The following QRICH1 variants were observed in gnomAD, a reference collection of about 807,000 sequenced individuals.
The protein encoded by QRICH1 is glutamine rich 1, also known as transcriptional regulator QRICH1.
QRICH1 carries 16 observed loss-of-function variants against 87.1 expected under a neutral mutation model. The observed-to-expected ratio is 0.18, with a 90% CI of 0.12 to 0.28. QRICH1 has a LOEUF of 0.28. QRICH1 is among the 10% of genes least tolerant of loss of function. The probability of loss-of-function intolerance (pLI) is 1.00; values close to 1 mark genes in which losing one functional copy is unlikely to be tolerated. For missense variants in QRICH1, 647 were observed against 951.7 expected (o/e 0.68, Z 4.21); for synonymous variants, 367 against 368.4 (o/e 1.00, Z 0.05).
At chr3:49,085,126 G>C (rs547238893) in intron 1 of QRICH1, among the ~76,000 whole-genome samples, 1 of 151,712 alleles carries the variant, frequency 6.6e-6, no homozygotes, top group South Asian at 2.1e-4. Context: ...CTGGGCGACA[G>C]AGCAAGACTC....
intron 2 of QRICH1, among the ~76,000 whole-genome samples, chr3:49,068,733 A>G (rs1213914725): frequency 6.6e-6 from 1 of 150,872 alleles, no homozygotes; most frequent in Non-Finnish European, 1.5e-5. Flanking sequence ...GGCTCAAGTG[A>G]TCCTCCAGCC....
rs995342605 is a variant in QRICH1 at position 49,089,066 on chromosome 3, CTT to C, written c.-22+4844_-22+4845del. Reference sequence around the variant, plus strand: ...CGGTTCTATTTTCTTTTTTTCTTTTCTTTTTTTTTTTTTAAATGGAGTCTCGC... The same window carrying C: ...CGGTTCTATTTTCTTTTTTTCTTTTCTTTTTTTTTTTAAATGGAGTCTCGC... On this transcript the variant is annotated intron_variant, in intron 1 of 9. Transcript: ENST00000395443. Among the ~76,000 whole-genome samples, 447 of 143,170 alleles carry C rather than the reference CTT, an allele frequency of 3.1e-3. 4 individuals are homozygous for C. The highest frequency in any genetic ancestry group is 0.011 in the African/African-American group (418 of 38,728). 93.9% of individuals were successfully genotyped at this position (143,170 alleles called of 152,430 possible).
At chr3:49,047,664 G>A (rs2093346573) in intron 3 of QRICH1, among the ~76,000 whole-genome samples, 1 of 151,848 alleles carries the variant, frequency 6.6e-6, no homozygotes, top group South Asian at 2.1e-4. Flanking sequence ...TATAATTTTA[G>A]TCGAGACGGA....
chr3:49,056,916 C>T lies in QRICH1; in HGVS notation c.1284G>A (p.Gln428=). 1 of 1,614,050 alleles carries T rather than the reference C, an allele frequency of 6.2e-7. No individual in the cohort carries two copies. The highest frequency in any genetic ancestry group is 8.5e-7 in the Non-Finnish European group (1 of 1,179,978). ...GCTGCTGTGGTGGTGGTGTCTGTTC[C>T]TGGGGAGTTTGCTGCTGCGGCTGCT... ...PQQQPQQQTP[Q]EQTPPPQQQQ... The change falls in exon 3 of 10, where the codon CAG becomes CAA. Residue 428 remains glutamine, a synonymous_variant. Transcript: ENST00000395443.
At chr3:49,073,980 G>A (rs550806199) in intron 2 of QRICH1, among the ~76,000 whole-genome samples, 1 of 151,454 alleles carries the variant, frequency 6.6e-6, no homozygotes, top group South Asian at 2.1e-4. Flanking sequence ...ACGGGGTTTT[G>A]CCATGTTGCC....
chr3:49,068,626 ATTTC>A (rs374929209), intron 2 of QRICH1, among the ~76,000 whole-genome samples: 34 of 151,136 alleles, frequency 2.2e-4, no homozygotes, highest in African/African-American at 6.1e-4. Context: ...CTTGGCTAAA[ATTTC>A]TTTCTTTTTT....
chr3:49,052,654 C>A (rs1037432023), intron 3 of QRICH1, among the ~76,000 whole-genome samples: 1 of 152,114 alleles, frequency 6.6e-6, no homozygotes, highest in Non-Finnish European at 1.5e-5. Flanking sequence ...CACCACCATG[C>A]CCAGCTAATT....
chr3:49,058,131 C>T (rs2093413889), intron 2 of QRICH1: 1 of 642,632 alleles, frequency 1.6e-6, no homozygotes, highest in African/African-American at 1.8e-5. Flanking sequence ...TAACTGGGGC[C>T]TAAAAAGGAA....
chr3:49,032,640 G>A lies in QRICH1; in HGVS notation c.2029C>T (p.His677Tyr), dbSNP rs553891695. 1 of 1,601,272 alleles carries A rather than the reference G, an allele frequency of 6.2e-7. No individual in the cohort carries two copies. Among genetic ancestry groups the A allele is most frequent in the African/African-American group, 1.3e-5 (1 of 74,414 alleles). The change falls in exon 8 of 10, where the codon CAC (histidine) becomes TAC (tyrosine). Residue 677 changes from histidine to tyrosine, a missense_variant. By Grantham distance (83) the His-to-Tyr change is moderately conservative. Coordinates refer to ENST00000395443, the MANE Select transcript of QRICH1 (RefSeq NM_198880.3). Reference sequence around the variant, plus strand: ...TCCCTACCTTTCTGGCCAGTCTGGTGTATTCCAAGGGCCTTCAAGTACCGG... The same window carrying A: ...TCCCTACCTTTCTGGCCAGTCTGGTATATTCCAAGGGCCTTCAAGTACCGG... ...SIRYLKALGI[H>Y]QTGQKVTDDM...
At chr3:49,064,830 A>G (rs2093457883) in intron 2 of QRICH1, among the ~76,000 whole-genome samples, 1 of 152,168 alleles carries the variant, frequency 6.6e-6, no homozygotes, top group African/African-American at 2.4e-5. Flanking sequence ...CCGCCTGGAC[A>G]AGATGGTGAA....
At chr3:49,043,160 C>T (rs920106219) in intron 6 of QRICH1, among the ~76,000 whole-genome samples, 6 of 152,052 alleles carry the variant, frequency 3.9e-5, no homozygotes, top group African/African-American at 1.2e-4. Flanking sequence ...ATTCTCTGTA[C>T]TTACTGCTAA....
chr3:49,046,639 G>C, intron 4 of QRICH1, 60 bp from the exon 5 acceptor site: 1 of 1,553,408 alleles, frequency 6.4e-7, no homozygotes, highest in Non-Finnish European at 8.7e-7. Flanking sequence ...GGAAGGCTCA[G>C]AACAGATACT....
chr3:49,090,814 G>A (rs563185231), intron 1 of QRICH1, among the ~76,000 whole-genome samples: 1 of 152,176 alleles, frequency 6.6e-6, no homozygotes, highest in Non-Finnish European at 1.5e-5. Flanking sequence ...TTTAATAACA[G>A]AAATCACAAT....
chr3:49,032,502 TG>T, intron 8 of QRICH1, 119 bp downstream of exon 8: 1 of 1,305,778 alleles, frequency 7.7e-7, no homozygotes, highest in Non-Finnish European at 1.1e-6. Context: ...GAGAAGGGAG[TG>T]GAGAATTTTA....
intron 1 of QRICH1, chr3:49,093,482 G>A (rs554302220): frequency 6.6e-6 from 1 of 152,140 alleles, no homozygotes; most frequent in South Asian, 2.1e-4. Context: ...GCGCTCTCGA[G>A]GCAGCACCGC....
chr3:49,078,553 C>T (rs1286746087), intron 1 of QRICH1, among the ~76,000 whole-genome samples: 1 of 150,510 alleles, frequency 6.6e-6, no homozygotes, highest in Non-Finnish European at 1.5e-5. Context: ...CACCACCACG[C>T]CCAGCTAATT....
chr3:49,077,258 A>G (rs1461289317), intron 1 of QRICH1, among the ~76,000 whole-genome samples: 1 of 152,172 alleles, frequency 6.6e-6, no homozygotes, highest in Non-Finnish European at 1.5e-5. Flanking sequence ...TGAAAACAAA[A>G]AAACAAACAC....
intron 6 of QRICH1, among the ~76,000 whole-genome samples, chr3:49,035,235 TA>T (rs1279972065): frequency 2.8e-4 from 42 of 152,254 alleles, no homozygotes; most frequent in African/African-American, 5.5e-4. Flanking sequence ...CACACTCGAT[TA>T]TTTTTTTTGA....
chr3:49,057,145 A>G lies in QRICH1; in HGVS notation c.1055T>C (p.Val352Ala). The G allele has an allele frequency of 6.2e-7, 1 of 1,614,170 alleles. No homozygotes were observed. The highest frequency in any genetic ancestry group is 8.5e-7 in the Non-Finnish European group (1 of 1,180,036). ...VSGSPTALAA[V>A]KLEDDKEKMV... ...CTTCTCCTTGTCATCCTCCAGCTTA[A>G]CAGCTGCCAGGGCTGTGGGTGAGCC... The change falls in exon 3 of 10, where the codon GTT (valine) becomes GCT (alanine). Residue 352 changes from valine (V) to alanine (A), a missense_variant. Physicochemically the swap from Val to Ala is moderately conservative, Grantham distance 64. Transcript: ENST00000395443. This position sits in a 1 kb window ranked among gnomAD's most constrained non-coding sequence, Gnocchi z 5.4.
Sources: gnomAD v4.1 joint callset for allele counts (sites outside exome capture counted in the v4.1 genomes callset) on GRCh38, gnomAD v4.1.1 for gene constraint, Gnocchi (gnomAD v3.1) non-coding constraint, MANE v1.5 for transcripts, NCBI Gene and HGNC (gene_info 2026-07-23, HGNC 2026-07-21) for gene names.